Variants in KCNQ3 observed in about 807,000 individuals in gnomAD.
KCNQ3 encodes potassium voltage-gated channel subfamily Q member 3.
Under a neutral mutation model 92.5 loss-of-function variants are expected in KCNQ3, and 30 were observed. That is an observed-to-expected ratio of 0.32 (90% confidence interval 0.24 to 0.44). KCNQ3 has a LOEUF of 0.44. Among genes scored for constraint, KCNQ3 ranks in the 20% least tolerant of loss-of-function variants. KCNQ3 has a pLI of 1.00. For missense variants in KCNQ3, 913 were observed against 1,140.3 expected (o/e 0.80, Z 2.87); for synonymous variants, 450 against 468.8 (o/e 0.96, Z 0.52).
rs991511835 is a variant in KCNQ3, at chr8:132,121,812, G to A, written c.*7450C>T. ...CAATGACAGGAGCTCCTTGGGGGCA[G>A]AGAACAAGGGGCACTTGTGGATGAT... On this transcript the variant is annotated 3_prime_UTR_variant, in exon 15 of 15. Coordinates refer to ENST00000388996, the MANE Select transcript of KCNQ3 (RefSeq NM_004519.4). 6.6e-6 allele frequency: 1 copy of A among 152,222 alleles called. No individual in the cohort carries two copies. The highest frequency in any genetic ancestry group is 1.5e-5 in the Non-Finnish European group (1 of 68,044). 9.4% of individuals were successfully genotyped at this position (152,222 alleles called of 1,614,324 possible).
intron 1 of KCNQ3, among the ~76,000 whole-genome samples, chr8:132,329,491 C>T (rs1282364844): frequency 8.2e-6 from 1 of 122,284 alleles, no homozygotes; most frequent in Non-Finnish European, 2.0e-5. Context: ...TGAAATAAAC[C>T]TTCATTGCCA....
chr8:132,462,682 G>A (rs1822089237), intron 1 of KCNQ3, among the ~76,000 whole-genome samples: 1 of 152,184 alleles, frequency 6.6e-6, no homozygotes, highest in South Asian at 2.1e-4. Context: ...GAGAAAGTCA[G>A]ATACTTTTAC....
chr8:132,403,582 T>C (rs901408035), intron 1 of KCNQ3, among the ~76,000 whole-genome samples: 2 of 152,186 alleles, frequency 1.3e-5, no homozygotes, highest in South Asian at 2.1e-4. Flanking sequence ...GGAACACCAA[T>C]GATCCATCCC....
intron 1 of KCNQ3, among the ~76,000 whole-genome samples, chr8:132,256,360 G>C (rs1815588089): frequency 6.6e-6 from 1 of 152,064 alleles, no homozygotes; most frequent in African/African-American, 2.4e-5. Flanking sequence ...CTAGAGACCT[G>C]AGAGACACCA....
intron 1 of KCNQ3, among the ~76,000 whole-genome samples, chr8:132,407,144 T>G (rs1294245028): frequency 2.6e-5 from 4 of 151,520 alleles, no homozygotes; most frequent in South Asian, 2.1e-4. Context: ...AAAGAGGGAG[T>G]GGTGAGTTAG....
intron 1 of KCNQ3, among the ~76,000 whole-genome samples, chr8:132,371,463 C>T (rs1337957797): frequency 6.6e-6 from 1 of 152,124 alleles, no homozygotes; most frequent in African/African-American, 2.4e-5. Context: ...GGAAGACTTC[C>T]CAAAGGAGGA....
chr8:132,222,762 C>T (rs932406788), intron 1 of KCNQ3, among the ~76,000 whole-genome samples: 17 of 152,174 alleles, frequency 1.1e-4, no homozygotes, highest in African/African-American at 2.9e-4. Context: ...AGTTTCATAG[C>T]GTGGGACACA....
intron 1 of KCNQ3, among the ~76,000 whole-genome samples, chr8:132,453,351 G>A (rs1292985475): frequency 1.3e-5 from 2 of 152,198 alleles, no homozygotes; most frequent in Admixed American, 1.3e-4. Flanking sequence ...CTGGCTGCCG[G>A]TTGGAGAATG....
At chr8:132,324,158 C>A (rs1351648126) in intron 1 of KCNQ3, among the ~76,000 whole-genome samples, 1 of 152,168 alleles carries the variant, frequency 6.6e-6, no homozygotes, top group African/African-American at 2.4e-5. Context: ...ATACCATGTT[C>A]AAATGTCAAC....
intron 1 of KCNQ3, among the ~76,000 whole-genome samples, chr8:132,223,784 G>C (rs531518854): frequency 6.6e-6 from 1 of 152,312 alleles, no homozygotes; most frequent in South Asian, 2.1e-4. Flanking sequence ...GACTAAATTA[G>C]AGAGGTCATG....
intron 1 of KCNQ3, among the ~76,000 whole-genome samples, chr8:132,301,462 G>T (rs1169655286): frequency 2.6e-5 from 4 of 152,152 alleles, no homozygotes; most frequent in Non-Finnish European, 5.9e-5. Flanking sequence ...TTTCCTGACT[G>T]TTGCAGTCCT....
intron 9 of KCNQ3, among the ~76,000 whole-genome samples, chr8:132,151,022 A>C (rs1263333759): frequency 1.3e-5 from 2 of 152,238 alleles, no homozygotes; most frequent in African/African-American, 4.8e-5. Flanking sequence ...AGATGTCATC[A>C]AAATATAAAT....
chr8:132,129,439 A>G lies in KCNQ3; in HGVS notation c.2442T>C (p.Asp814=), dbSNP rs758166616. ...PSGFSISQDR[D]DYVFGPNGGS... ...CCCCATTGGGGCCGAACACATAATC[A>G]TCTCTGTCCTGGGAGATGCTGAAGC... Residue 814 remains aspartate, a synonymous_variant, in exon 15 of 15, where the codon GAT becomes GAC. Coordinates refer to ENST00000388996, the MANE Select transcript of KCNQ3 (RefSeq NM_004519.4). The surrounding 1 kb of genome is among the most constrained non-coding windows in gnomAD (Gnocchi z 5.9). 2 of 1,613,924 alleles carry G rather than the reference A, an allele frequency of 1.2e-6. No individual in the cohort carries two copies. Among genetic ancestry groups the G allele is most frequent in the East Asian group, 2.2e-5 (1 of 44,852 alleles).
At chr8:132,219,055 TG>T (rs1455781984) in intron 1 of KCNQ3, among the ~76,000 whole-genome samples, 1 of 152,318 alleles carries the variant, frequency 6.6e-6, no homozygotes, top group African/African-American at 2.4e-5. Context: ...CTCTGTGGTG[TG>T]GAAGAGAAAA....
rs1208620955 is a variant in KCNQ3, at chr8:132,375,117, G to GT, written c.386+105029dup. ...GAAGAAAGCTAACCTTGAATCTAGT[G>GT]TTTTTTTCAAACTTAAATTTTATAA... is the stretch of plus-strand genomic sequence containing the variant. On this transcript the variant is annotated intron_variant, in intron 1 of 14. Coordinates refer to ENST00000388996, the MANE Select transcript of KCNQ3 (RefSeq NM_004519.4). Among the ~76,000 whole-genome samples the GT allele has an allele frequency of 4.0e-5, 6 of 151,840 alleles. No individual in the cohort carries two copies. In the East Asian group the frequency reaches 5.8e-4, roughly 15 times the overall value.
intron 1 of KCNQ3, among the ~76,000 whole-genome samples, chr8:132,222,316 T>G (rs1488017764): frequency 6.6e-6 from 1 of 152,232 alleles, no homozygotes; most frequent in Non-Finnish European, 1.5e-5. Context: ...GTATCTCACA[T>G]CCACCCATTG....
At chr8:132,314,430 C>CA (rs1303692035) in intron 1 of KCNQ3, among the ~76,000 whole-genome samples, 8 of 152,094 alleles carry the variant, frequency 5.3e-5, no homozygotes, top group Admixed American at 1.3e-4. Context: ...TAATTCCTAA[C>CA]AAAACCCAAA....
At chr8:132,195,030 C>T (rs1410360093) in intron 1 of KCNQ3, among the ~76,000 whole-genome samples, 3 of 152,174 alleles carry the variant, frequency 2.0e-5, no homozygotes, top group African/African-American at 7.2e-5. Context: ...CCAAACCCCA[C>T]CAACATCAGG....
intron 9 of KCNQ3, among the ~76,000 whole-genome samples, chr8:132,156,458 T>G: frequency 6.6e-6 from 1 of 152,088 alleles, no homozygotes; most frequent in East Asian, 2.0e-4. Context: ...CTAGTTATTT[T>G]TATTCCCTGG....
Sources: allele counts gnomAD v4.1 joint callset (sites outside exome capture counted in the v4.1 genomes callset), GRCh38; gene constraint gnomAD v4.1.1; non-coding constraint Gnocchi (gnomAD v3.1); transcripts MANE v1.5; gene names NCBI Gene and HGNC (gene_info 2026-07-23, HGNC 2026-07-21).